CLSTN2: variants seen among roughly 807,000 people sequenced by gnomAD.
The protein encoded by CLSTN2 is calsyntenin 2.
CLSTN2 carries 48 observed loss-of-function variants against 101.2 expected under a neutral mutation model. The ratio of observed to expected loss-of-function variants is 0.47; its 90% CI spans 0.38 to 0.60. CLSTN2 has a LOEUF of 0.60. Ranked by LOEUF, CLSTN2 falls within the 20% of genes least tolerant of loss-of-function variation. CLSTN2 has a pLI of 0.00. For missense variants in CLSTN2, 1,160 were observed against 1,238.2 expected (o/e 0.94, Z 0.95); for synonymous variants, 481 against 463.6 (o/e 1.04, Z -0.48).
chr3:140,232,207 T>C (rs151230773), intron 2 of CLSTN2, among the ~76,000 whole-genome samples: 3 of 152,308 alleles, frequency 2.0e-5, no homozygotes, highest in South Asian at 2.1e-4. Context: ...TCAAAACTTA[T>C]TGATGCTGCA....
chr3:140,192,462 A>G (rs940190021), intron 2 of CLSTN2, among the ~76,000 whole-genome samples: 1 of 151,792 alleles, frequency 6.6e-6, no homozygotes, highest in African/African-American at 2.4e-5. Context: ...TTTTCTTCCC[A>G]TATTTTGCAG....
At chr3:140,090,000 T>TTA (rs1206406958) in intron 1 of CLSTN2, among the ~76,000 whole-genome samples, 1 of 113,856 alleles carries the variant, frequency 8.8e-6, no homozygotes, top group Non-Finnish European at 1.7e-5. Flanking sequence ...TTTTTTTTTT[T>TTA]AACAGACTGA....
chr3:140,161,411 A>T (rs577001022), intron 1 of CLSTN2, among the ~76,000 whole-genome samples: 3 of 152,166 alleles, frequency 2.0e-5, no homozygotes, highest in Admixed American at 2.0e-4. Context: ...GATTTCAGAC[A>T]ATTATTCTCC....
chr3:140,525,521 C>T (rs1935118746), intron 8 of CLSTN2, among the ~76,000 whole-genome samples: 1 of 152,144 alleles, frequency 6.6e-6, no homozygotes, highest in Non-Finnish European at 1.5e-5. Context: ...GATACCAATC[C>T]TACTGAAACT....
intron 1 of CLSTN2, among the ~76,000 whole-genome samples, chr3:140,102,664 A>G (rs1050048624): frequency 6.6e-6 from 1 of 152,236 alleles, no homozygotes; most frequent in Non-Finnish European, 1.5e-5. Flanking sequence ...CACATTGTTA[A>G]TGATACTGGT....
chr3:140,367,657 A>G (rs1247003402), intron 2 of CLSTN2, among the ~76,000 whole-genome samples: 1 of 151,866 alleles, frequency 6.6e-6, no homozygotes, highest in African/African-American at 2.4e-5. Context: ...ATTTGTTTCT[A>G]TTTTGAACTG....
intron 8 of CLSTN2, among the ~76,000 whole-genome samples, chr3:140,520,699 A>ATGTT (rs1935005731): frequency 6.6e-6 from 1 of 152,152 alleles, no homozygotes; most frequent in African/African-American, 2.4e-5. Flanking sequence ...CTGAATTTGA[A>ATGTT]TGTTTGCCTG....
intron 2 of CLSTN2, among the ~76,000 whole-genome samples, chr3:140,368,295 A>T (rs1576535508): frequency 6.6e-6 from 1 of 152,202 alleles, no homozygotes; most frequent in South Asian, 2.1e-4. Flanking sequence ...AGTTAGCACC[A>T]TCAACAAGCT....
chr3:140,263,847 G>T (rs2086673180), intron 2 of CLSTN2, among the ~76,000 whole-genome samples: 1 of 152,130 alleles, frequency 6.6e-6, no homozygotes, highest in Non-Finnish European at 1.5e-5. Flanking sequence ...ACTCTTGATA[G>T]TCTGAAAACA....
intron 2 of CLSTN2, among the ~76,000 whole-genome samples, chr3:140,392,803 T>C (rs1219934225): frequency 6.6e-6 from 1 of 152,058 alleles, no homozygotes; most frequent in Non-Finnish European, 1.5e-5. Context: ...GTGTTTATAA[T>C]ATAATAGTTG....
At chr3:140,098,742 A>G (rs1231437805) in intron 1 of CLSTN2, among the ~76,000 whole-genome samples, 2 of 152,232 alleles carry the variant, frequency 1.3e-5, no homozygotes, top group Admixed American at 6.5e-5. Flanking sequence ...TCTGGTTTCC[A>G]AATATCTTAT....
At chr3:140,419,805 G>A (rs560733676) in intron 4 of CLSTN2, among the ~76,000 whole-genome samples, 1 of 44,980 alleles carries the variant, frequency 2.2e-5, no homozygotes, top group Non-Finnish European at 3.5e-5. Context: ...GTGTATATAC[G>A]TGTATATACG....
chr3:140,094,737 A>T (rs2008839619), intron 1 of CLSTN2, among the ~76,000 whole-genome samples: 3 of 152,200 alleles, frequency 2.0e-5, no homozygotes, highest in Non-Finnish European at 1.5e-5. Flanking sequence ...AAAAAAGCAG[A>T]CAAGAGCCCT....
chr3:140,546,607 G>A lies in CLSTN2; in HGVS notation c.1600G>A (p.Val534Met), dbSNP rs1935590217. Reference sequence around the variant, plus strand: ...CCCTGGCAAAATGGAAAGCCAGAAGGTGATCTCCTGCCTGCAGGCCTGCAA... The same window carrying A: ...CCCTGGCAAAATGGAAAGCCAGAAGATGATCTCCTGCCTGCAGGCCTGCAA... The part of the protein sequence containing the change: ...IRPGKMESQK[V>M]ISCLQACKEG... Residue 534 changes from valine (V) to methionine (M), a missense_variant, in exon 10 of 17, where the codon GTG (valine) becomes ATG (methionine). Physicochemically the swap from Val to Met is conservative, Grantham distance 21. Transcript: ENST00000458420. 1 of 1,614,106 alleles carries A rather than the reference G, an allele frequency of 6.2e-7. No individual in the cohort carries two copies. Among genetic ancestry groups the A allele is most frequent in the East Asian group, 2.2e-5 (1 of 44,882 alleles).
rs555497831 is a variant in CLSTN2 at position 140,023,651 on chromosome 3, C to T, written c.109+88168C>T. Among the ~76,000 whole-genome samples, 3 of 152,288 alleles carry T rather than the reference C, an allele frequency of 2.0e-5. No individual in the cohort carries two copies. In the South Asian group the frequency reaches 6.2e-4, roughly 32 times the overall value. On this transcript the variant is annotated intron_variant, in intron 1 of 16. Coordinates refer to ENST00000458420, the MANE Select transcript of CLSTN2 (RefSeq NM_022131.3). ...CTGTGTCCCCAGCACACTGGGGCAC[C>T]TCTACTGCCCCAGGAGGTGCTCAAG...
chr3:140,485,663 C>T (rs1934223384), intron 8 of CLSTN2, among the ~76,000 whole-genome samples: 2 of 152,276 alleles, frequency 1.3e-5, no homozygotes, highest in South Asian at 2.1e-4. Context: ...TGGCAGGCAC[C>T]CCTCCCCCAG....
At chr3:140,428,688 G>T (rs1418563078) in intron 5 of CLSTN2, among the ~76,000 whole-genome samples, 1 of 152,154 alleles carries the variant, frequency 6.6e-6, no homozygotes, top group Non-Finnish European at 1.5e-5. Context: ...ACTGATTTCG[G>T]TTCCTTTTAC....
chr3:140,528,584 C>T (rs982746411), intron 8 of CLSTN2, among the ~76,000 whole-genome samples: 2 of 149,462 alleles, frequency 1.3e-5, no homozygotes, highest in African/African-American at 2.5e-5. Context: ...TAGGAGTTAA[C>T]GAATGAGTGA....
intron 1 of CLSTN2, among the ~76,000 whole-genome samples, chr3:140,057,982 A>G (rs1426432052): frequency 2.0e-5 from 3 of 152,200 alleles, no homozygotes; most frequent in African/African-American, 7.2e-5. Context: ...AATTTTCCAG[A>G]AGTTCACGCT....
Sources: gnomAD v4.1 joint callset for allele counts (sites outside exome capture counted in the v4.1 genomes callset) on GRCh38, gnomAD v4.1.1 for gene constraint, MANE v1.5 for transcripts, NCBI Gene and HGNC (gene_info 2026-07-23, HGNC 2026-07-21) for gene names.